The following PCDHA2 variants were observed in gnomAD, a reference collection of about 807,000 sequenced individuals.
PCDHA2 encodes protocadherin alpha-2.
In PCDHA2, 58 loss-of-function variants were observed where a neutral mutation model predicts 66.0. That is an observed-to-expected ratio of 0.88 (90% CI 0.71 to 1.09). The LOEUF (loss-of-function observed/expected upper bound fraction) is 1.09, where lower values mean the gene tolerates loss of function less well. PCDHA2 is among the 50% of genes least tolerant of loss of function. The probability of loss-of-function intolerance (pLI) is 0.00; values close to 1 mark genes in which losing one functional copy is unlikely to be tolerated. For synonymous variants in PCDHA2, 634 were observed against 554.0 expected (o/e 1.14, Z -2.03); for missense variants, 1,267 against 1,242.3 (o/e 1.02, Z -0.30).
chr5:140,842,396 G>A, intron 1 of PCDHA2: 2 of 1,611,442 alleles, frequency 1.2e-6, no homozygotes, highest in South Asian at 2.2e-5. Context: ...ATCCTTGCCT[G>A]TACGTGAAGA....
intron 1 of PCDHA2, among the ~76,000 whole-genome samples, chr5:140,941,241 TTCTTTCTTTCTTTC>T (rs1247398838): frequency 5.8e-4 from 81 of 140,456 alleles, no homozygotes; most frequent in African/African-American, 2.0e-3. Flanking sequence ...CTTTCTTTCT[TTCTTTCTTTCTTTC>T]TCTTTCTTTC....
At chr5:140,834,086 C>A (rs1400952660) in intron 1 of PCDHA2, among the ~76,000 whole-genome samples, 2 of 152,152 alleles carry the variant, frequency 1.3e-5, no homozygotes, top group Non-Finnish European at 2.9e-5. Context: ...TAACCTTTAA[C>A]AACAATGAAG....
intron 1 of PCDHA2, chr5:140,824,328 T>C: frequency 4.6e-6 from 3 of 658,016 alleles, no homozygotes; most frequent in Non-Finnish European, 7.8e-6. Flanking sequence ...CTTTCTGTGA[T>C]ATTAAGTGTT....
intron 1 of PCDHA2, among the ~76,000 whole-genome samples, chr5:140,833,179 G>T (rs928347111): frequency 6.6e-6 from 1 of 152,198 alleles, no homozygotes; most frequent in Non-Finnish European, 1.5e-5. Flanking sequence ...GAAGATGACT[G>T]CAAGGATTAA....
chr5:140,852,884 T>TA lies in PCDHA2; in HGVS notation c.2388+55533dup, dbSNP rs1237249071. On this transcript the variant is annotated intron_variant, in intron 1 of 3. Transcript: ENST00000526136. ...CTATGTCATCAATAATCATAAAACG[T>TA]ATTTTTTTTTTTGAGTCAGAGTCTC... The TA allele has an allele frequency of 2.1e-6, 2 of 931,694 alleles. 1 individual carries two copies. The highest frequency in any genetic ancestry group is 3.6e-5 in the African/African-American group (2 of 55,516). The allele number at this position is 931,694 out of a possible 1,614,324, so 57.7% of individuals were successfully genotyped here.
chr5:140,802,995 G>C, intron 1 of PCDHA2: 1 of 1,614,060 alleles, frequency 6.2e-7, no homozygotes, highest in Non-Finnish European at 8.5e-7. Flanking sequence ...AGTGGATGCA[G>C]ACTCAGGCTA....
chr5:140,810,909 C>A (rs1764754535), intron 1 of PCDHA2: 1 of 152,040 alleles, frequency 6.6e-6, no homozygotes, highest in Non-Finnish European at 1.5e-5. Flanking sequence ...TCTGTGGTAT[C>A]TTTTATTTCA....
At position 140,858,115 on chromosome 5, in the gene PCDHA2, G is replaced by A. The variant is rs371261838; in HGVS notation, c.2388+60763G>A. 5.0e-6 allele frequency: 8 copies of A among 1,597,696 alleles called. 1 individual carries two copies. Among genetic ancestry groups the A allele is most frequent in the Non-Finnish European group, 6.9e-6 (8 of 1,167,654 alleles). ...CTTCAGTGGGCGTGGCGCCCGAGGT[G>A]GCCCTGGTGGATGTCAACGTGTACC... On this transcript the variant is annotated intron_variant, in intron 1 of 3. Transcript: ENST00000526136.
intron 1 of PCDHA2, chr5:140,836,211 G>T: frequency 6.2e-7 from 1 of 1,613,840 alleles, no homozygotes; most frequent in Non-Finnish European, 8.5e-7. Context: ...GCTTTCGTAT[G>T]AGTTGCAACC....
chr5:140,927,008 T>C (rs1482906318), intron 1 of PCDHA2: 1 of 1,612,396 alleles, frequency 6.2e-7, no homozygotes, highest in Admixed American at 1.7e-5. Context: ...GTAGGCAATC[T>C]CTCCGCGGAC....
intron 1 of PCDHA2, chr5:140,835,967 G>A (rs2150249249): frequency 2.5e-6 from 4 of 1,613,286 alleles, no homozygotes; most frequent in Admixed American, 1.7e-5. Context: ...ACGAGGAGCT[G>A]GAGCTGTTGC....
Position 140,829,875 on chromosome 5 carries a change from G to A in PCDHA2, c.2388+32523G>A, listed in dbSNP as rs2150176769. 2.5e-6 allele frequency: 4 copies of A among 1,613,828 alleles called. No homozygotes were observed. Among genetic ancestry groups the A allele is most frequent in the Admixed American group, 3.3e-5 (2 of 59,996 alleles). On this transcript the variant is annotated intron_variant, in intron 1 of 3. Transcript: ENST00000526136. ...GCAGGCCAAGTGGTGGCGAAGGTGC[G>A]CGCAGTTGACGCCGACTCAGGCTAC...
At chr5:140,951,766 C>T (rs372624744) in intron 1 of PCDHA2, among the ~76,000 whole-genome samples, 78 of 152,240 alleles carry the variant, frequency 5.1e-4, no homozygotes, top group African/African-American at 1.6e-3. Context: ...AATCTCATGA[C>T]GTTCTTACAT....
intron 1 of PCDHA2, among the ~76,000 whole-genome samples, chr5:140,897,497 G>C (rs1554187423): frequency 6.6e-6 from 1 of 152,010 alleles, no homozygotes; most frequent in Admixed American, 6.6e-5. Flanking sequence ...TTTCAACCAT[G>C]TCCCTACAAA....
chr5:140,876,979 G>A (rs1554169178), intron 1 of PCDHA2: 2 of 1,612,614 alleles, frequency 1.2e-6, no homozygotes, highest in South Asian at 2.2e-5. Flanking sequence ...GGGCGAGCAC[G>A]CACTGTCGAG....
intron 1 of PCDHA2, among the ~76,000 whole-genome samples, chr5:140,879,152 A>C (rs1369330748): frequency 6.6e-6 from 1 of 152,210 alleles, no homozygotes; most frequent in African/African-American, 2.4e-5. Context: ...CAGGAAAGCT[A>C]TTTCTTTTTT....
rs2150358815 is a variant in PCDHA2 at position 140,843,384 on chromosome 5, G to A, written c.2388+46032G>A. The A allele has an allele frequency of 2.5e-6, 4 of 1,596,128 alleles. No individual in the cohort carries two copies. The Admixed American group carries it at 6.7e-5, about 27-fold the overall frequency. On this transcript the variant is annotated intron_variant, in intron 1 of 3. Coordinates refer to ENST00000526136, the MANE Select transcript of PCDHA2 (RefSeq NM_018905.3). ...TCGAGGCAGTCGGCTGGCGTTTTGG[G>A]TCCGGAAGCGGCGCTGGTGGATGTC...
At chr5:140,857,747 T>A in intron 1 of PCDHA2, 1 of 1,597,058 alleles carries the variant, frequency 6.3e-7, no homozygotes, top group Non-Finnish European at 8.6e-7. Flanking sequence ...GCTGCTGGCG[T>A]CTCCCGCTGG....
At position 140,857,673 on chromosome 5, in the gene PCDHA2, C is replaced by G. The variant is rs372854727; in HGVS notation, c.2388+60321C>G. On this transcript the variant is annotated intron_variant, in intron 1 of 3. Transcript: ENST00000526136. The stretch of plus-strand genomic sequence containing the variant: ...GTGAGCGCGCGCGATGGGGGCGTGC[C>G]GCCTCTGGGCAGCAACTTGACGCTG... 6.3e-7 allele frequency: 1 copy of G among 1,596,942 alleles called. No homozygotes were observed. Among genetic ancestry groups the G allele is most frequent in the Non-Finnish European group, 8.6e-7 (1 of 1,167,760 alleles).
Sources: gnomAD v4.1 joint callset for allele counts (sites outside exome capture counted in the v4.1 genomes callset) on GRCh38, gnomAD v4.1.1 for gene constraint, MANE v1.5 for transcripts, NCBI Gene and HGNC (gene_info 2026-07-23, HGNC 2026-07-21) for gene names.